Variants in PTPRJ observed in about 807,000 individuals in gnomAD.
The protein encoded by PTPRJ is receptor-type tyrosine-protein phosphatase eta.
PTPRJ carries 129 observed loss-of-function variants against 141.3 expected under a neutral mutation model. That is an observed-to-expected ratio of 0.91 (90% CI 0.79 to 1.06). The LOEUF (loss-of-function observed/expected upper bound fraction) is 1.06. Among genes scored for constraint, PTPRJ ranks in the 50% least tolerant of loss-of-function variants. The pLI is 0.00. For missense variants in PTPRJ, 1,601 were observed against 1,679.7 expected, an observed-to-expected ratio of 0.95 and a Z score of 0.82; for synonymous variants, 610 against 640.5, an observed-to-expected ratio of 0.95 and a Z score of 0.72.
At chr11:48,005,442 C>A (rs1372121376) in intron 1 of PTPRJ, among the ~76,000 whole-genome samples, 1 of 152,176 alleles carries the variant, frequency 6.6e-6, no homozygotes, top group African/African-American at 2.4e-5. Flanking sequence ...TGAGTAGAAT[C>A]ATACACTGTG....
intron 11 of PTPRJ, among the ~76,000 whole-genome samples, chr11:48,141,992 T>G (rs1050688255): frequency 3.3e-5 from 5 of 152,090 alleles, no homozygotes; most frequent in Middle Eastern, 3.2e-3. Context: ...GTCTAATGTT[T>G]AAGGCTTGAA....
intron 24 of PTPRJ, among the ~76,000 whole-genome samples, chr11:48,166,287 A>G (rs71477912): frequency 0.053 from 7,958 of 150,992 alleles, 224 homozygotes; most frequent in Middle Eastern, 0.094. Flanking sequence ...ACACACACAC[A>G]CGCACACACA....
intron 1 of PTPRJ, among the ~76,000 whole-genome samples, chr11:48,103,788 C>T (rs1244476332): frequency 6.6e-6 from 1 of 152,212 alleles, no homozygotes; most frequent in African/African-American, 2.4e-5. Flanking sequence ...AACTTCTGGC[C>T]TGGGATTTCC....
intron 1 of PTPRJ, among the ~76,000 whole-genome samples, chr11:48,085,761 G>T (rs532533165): frequency 6.6e-6 from 1 of 152,200 alleles, no homozygotes; most frequent in African/African-American, 2.4e-5. Context: ...GAGCCCTGTG[G>T]ACTATGGAAG....
chr11:48,024,266 T>G (rs1256371261), intron 1 of PTPRJ, among the ~76,000 whole-genome samples: 4 of 152,138 alleles, frequency 2.6e-5, no homozygotes, highest in Non-Finnish European at 5.9e-5. Context: ...GGCGTGATCT[T>G]TGCTTATTTC....
intron 1 of PTPRJ, among the ~76,000 whole-genome samples, chr11:48,065,591 G>A (rs1435102265): frequency 1.3e-5 from 2 of 152,134 alleles, no homozygotes; most frequent in Non-Finnish European, 2.9e-5. Flanking sequence ...TGACCTATTT[G>A]TGTGGCATAG....
In PTPRJ at chr11:48,098,646, G is replaced by T. The variant is rs1363220716; in HGVS notation, c.97-11412G>T. ...CGCCATTCTCCTGCCTCAGCCTCCT[G>T]TGTAGCTGGGACTACAGGCACGCGC... On this transcript the variant is annotated intron_variant, in intron 1 of 24. Coordinates refer to ENST00000418331, the MANE Select transcript of PTPRJ (RefSeq NM_002843.4). Among the ~76,000 whole-genome samples, 7 of 56,304 alleles carry T rather than the reference G, an allele frequency of 1.2e-4. 2 individuals are homozygous for T. Among genetic ancestry groups the T allele is most frequent in the Admixed American group, 5.2e-4 (2 of 3,816 alleles). The allele number at this position is 56,304 out of a possible 152,430, so 36.9% of individuals were successfully genotyped here.
Position 48,159,125 on chromosome 11 carries a change from GTGT to G in PTPRJ, c.3439-804_3439-802del, listed in dbSNP as rs1386511499. On this transcript the variant is annotated intron_variant, in intron 21 of 24. Transcript: ENST00000418331. ...GTGTGTGTGTGTGTGTATGTGGGGT[GTGT>G]GTGTGTGTGTGTGTGTGTGTGTGTG... 1.2e-4 allele frequency among the ~76,000 whole-genome samples: 17 copies of G among 136,642 alleles called. 1 individual carries two copies. The highest frequency in any genetic ancestry group is 4.4e-4 in the African/African-American group (15 of 34,290). 89.6% of individuals were successfully genotyped at this position (136,642 alleles called of 152,430 possible).
In PTPRJ at chr11:48,164,449, C is replaced by T; in HGVS notation, c.3789C>T (p.Asn1263=). 6.2e-7 allele frequency: 1 copy of T among 1,613,762 alleles called. No homozygotes were observed. Among genetic ancestry groups the T allele is most frequent in the South Asian group, 1.1e-5 (1 of 91,064 alleles). ...TCATCTACCAGATAGAGAATGAGAA[C>T]ACCGTGGATGTGTATGGGATTGTGT... ...DRLIYQIENE[N]TVDVYGIVYD... The change falls in exon 24 of 25, where the codon AAC becomes AAT. Residue 1263 remains asparagine, a synonymous_variant. Transcript: ENST00000418331.
At chr11:48,111,321 T>A (rs1347961549) in intron 2 of PTPRJ, among the ~76,000 whole-genome samples, 2 of 139,168 alleles carry the variant, frequency 1.4e-5, no homozygotes, top group Non-Finnish European at 3.0e-5. Context: ...ATAATAGTAG[T>A]TGGTAGTTTT....
intron 1 of PTPRJ, among the ~76,000 whole-genome samples, chr11:48,055,853 GA>G (rs1854739168): frequency 6.6e-6 from 1 of 152,218 alleles, no homozygotes; most frequent in Non-Finnish European, 1.5e-5. Flanking sequence ...AAGCAGTGCT[GA>G]AAACGCGATG....
chr11:47,980,684 G>C lies in PTPRJ; in HGVS notation c.-229G>C. ...GCGAAGCCCCTGCGCGCTCAGGGAC[G>C]CGGCCCCCCCGCGGCAGCCGCGCTA... On this transcript the variant is annotated 5_prime_UTR_variant, in exon 1 of 25. Transcript: ENST00000418331. 1.0e-6 allele frequency: 1 copy of C among 989,330 alleles called. No individual in the cohort carries two copies. The highest frequency in any genetic ancestry group is 1.2e-6 in the Non-Finnish European group (1 of 833,882). The allele number at this position is 989,330 out of a possible 1,614,324, so 61.3% of individuals were successfully genotyped here.
chr11:48,131,051 CATATAT>C (rs1260358599), intron 8 of PTPRJ, among the ~76,000 whole-genome samples: 1 of 112,072 alleles, frequency 8.9e-6, no homozygotes. Flanking sequence ...CACACACACA[CATATAT>C]ATATATATAT....
intron 5 of PTPRJ, among the ~76,000 whole-genome samples, chr11:48,124,252 C>T (rs920100030): frequency 1.3e-5 from 2 of 152,144 alleles, no homozygotes; most frequent in Non-Finnish European, 2.9e-5. Context: ...TGCAGAGGAT[C>T]CCCAGGATAA....
At chr11:48,025,672 G>A (rs1183523080) in intron 1 of PTPRJ, among the ~76,000 whole-genome samples, 5 of 152,178 alleles carry the variant, frequency 3.3e-5, no homozygotes, top group African/African-American at 1.2e-4. Flanking sequence ...GCACCTCCAA[G>A]GACTCTCCAC....
At chr11:48,011,304 T>G (rs1854777451) in intron 1 of PTPRJ, among the ~76,000 whole-genome samples, 1 of 152,116 alleles carries the variant, frequency 6.6e-6, no homozygotes, top group Non-Finnish European at 1.5e-5. Context: ...AGGCCTCTTG[T>G]GTTGTGCTGA....
At chr11:47,988,710 T>C (rs974548570) in intron 1 of PTPRJ, among the ~76,000 whole-genome samples, 4 of 152,126 alleles carry the variant, frequency 2.6e-5, no homozygotes, top group Non-Finnish European at 5.9e-5. Context: ...GATTGGAAGA[T>C]GCATGCATTT....
chr11:48,031,059 G>A (rs1853967434), intron 1 of PTPRJ, among the ~76,000 whole-genome samples: 1 of 152,222 alleles, frequency 6.6e-6, no homozygotes, highest in Non-Finnish European at 1.5e-5. Context: ...TAAACTGGCT[G>A]CCTTTCTACT....
rs753338799 is a variant in PTPRJ, at chr11:48,144,827, A to G, written c.2728A>G (p.Asn910Asp). Residue 910 changes from asparagine (N) to aspartate (D), a missense_variant, in exon 13 of 25, where the codon AAT becomes GAT. By Grantham distance (23) the Asn-to-Asp change is conservative (BLOSUM62 1). Transcript: ENST00000418331. ...TTTGAAATATGAAATTGACGTTGGG[A>G]ATGAGTCAACCACACTTGGTTATTA... Reference protein sequence around the residue: ...EVLKYEIDVGNESTTLGYYNG... With the variant: ...EVLKYEIDVGDESTTLGYYNG... 6.2e-7 allele frequency: 1 copy of G among 1,614,166 alleles called. No individual in the cohort carries two copies. The highest frequency in any genetic ancestry group is 1.7e-5 in the Admixed American group (1 of 60,028).
Sources: allele counts gnomAD v4.1 joint callset (sites outside exome capture counted in the v4.1 genomes callset), GRCh38; gene constraint gnomAD v4.1.1; transcripts MANE v1.5; gene names NCBI Gene and HGNC (gene_info 2026-07-23, HGNC 2026-07-21).